The following POMT2 variants were observed in gnomAD, a reference collection of about 807,000 sequenced individuals.
The protein encoded by POMT2 is protein O-mannosyl-transferase 2.
A neutral mutation model predicts 100.0 loss-of-function variants in POMT2; 75 were observed. The ratio of observed to expected loss-of-function variants is 0.75; its 90% CI spans 0.62 to 0.91. The LOEUF is 0.91. POMT2 is among the 40% of genes least tolerant of loss of function. The pLI is 0.00. For synonymous variants in POMT2, 378 were observed against 374.1 expected (o/e 1.01, Z -0.12); for missense variants, 940 against 955.1 (o/e 0.98, Z 0.21).
intron 2 of POMT2, chr14:77,306,665 G>A (rs948378753): frequency 2.2e-5 from 10 of 463,510 alleles, no homozygotes; most frequent in African/African-American, 1.2e-4. Flanking sequence ...TATTATGGCC[G>A]AGGTCTAGGA....
chr14:77,286,702 CAT>C (rs1421758938), intron 12 of POMT2, 40 bp downstream of exon 12: 1 of 1,613,414 alleles, frequency 6.2e-7, no homozygotes, highest in East Asian at 2.2e-5. Flanking sequence ...AGCCAAGGCC[CAT>C]AACTTTTACG....
chr14:77,293,018 G>A (rs1274407865), intron 9 of POMT2, among the ~76,000 whole-genome samples: 1 of 152,134 alleles, frequency 6.6e-6, no homozygotes, highest in African/African-American at 2.4e-5. Flanking sequence ...TAGCATTTAG[G>A]GGAAAAATTA....
In POMT2 at chr14:77,302,819, G is replaced by A. The variant is rs200230662; in HGVS notation, c.656+16C>T. The A allele has an allele frequency of 1.3e-6, 2 of 1,597,690 alleles. No homozygotes were observed. Among genetic ancestry groups the A allele is most frequent in the East Asian group, 2.2e-5 (1 of 44,748 alleles). The stretch of plus-strand genomic sequence containing the variant: ...ACAGCTTCCAACCCTCCCCTCCCGG[G>A]GATGGAGTTTCTGACCTGTCGGCGC... On this transcript the variant is annotated intron_variant, in intron 5 of 20. Coordinates refer to ENST00000261534, the MANE Select transcript of POMT2 (RefSeq NM_013382.7).
At position 77,304,763 on chromosome 14, in the gene POMT2, G is replaced by A; in HGVS notation, c.476C>T (p.Ala159Val). The A allele has an allele frequency of 6.2e-7, 1 of 1,600,412 alleles. No individual in the cohort carries two copies. The highest frequency in any genetic ancestry group is 8.5e-7 in the Non-Finnish European group (1 of 1,174,310). Residue 159 changes from alanine (A) to valine (V), a missense_variant, in exon 4 of 21, where the codon GCC becomes GTC. Ala to Val is a moderately conservative substitution (Grantham distance 64). Transcript: ENST00000261534. ...AFLGSWLVPF[A>V]YLTVLDLSKS... ...GGACAGATCCAGTACAGTGAGGTAGGCAAAGGGGACCAGCCAGGAGCCAAG... is the reference window on the plus strand; with the variant it reads ...GGACAGATCCAGTACAGTGAGGTAGACAAAGGGGACCAGCCAGGAGCCAAG...
rs1187537322 is a variant in POMT2 at position 77,280,404 on chromosome 14, A to G, written c.1713T>C (p.Pro571=). The G allele has an allele frequency of 6.2e-7, 1 of 1,614,038 alleles. No homozygotes were observed. The highest frequency in any genetic ancestry group is 2.2e-5 in the East Asian group (1 of 44,854). ...NEFTSKPWHW[P]INYQGLRFSG... is the part of the protein sequence containing the mutation. ...CCTTGGATCCTACCTGATAGTTGAT[A>G]GGCCAGTGCCAGGGTTTGGACGTGA... is the stretch of plus-strand genomic sequence containing the variant. The change falls in exon 16 of 21, where the codon CCT becomes CCC. Residue 571 remains proline, a synonymous_variant. Transcript: ENST00000261534.
chr14:77,304,059 T>G (rs1438284895), intron 4 of POMT2, among the ~76,000 whole-genome samples: 2 of 152,216 alleles, frequency 1.3e-5, no homozygotes, highest in African/African-American at 4.8e-5. Context: ...AATCTTGCAA[T>G]CTATCTGTCA....
chr14:77,287,504 CTCTCTCTG>C (rs1174906473), intron 11 of POMT2: 3 of 111,792 alleles, frequency 2.7e-5, no homozygotes, highest in African/African-American at 7.6e-5. Context: ...CTAATTGCTT[CTCTCTCTG>C]TCTCTGTCTC....
chr14:77,311,013 A>G (rs1187836673), intron 2 of POMT2, among the ~76,000 whole-genome samples: 5 of 152,198 alleles, frequency 3.3e-5, no homozygotes, highest in African/African-American at 1.2e-4. Flanking sequence ...GGCGCCTGTA[A>G]TCCCAGCTAC....
At chr14:77,295,631 C>CAA (rs35870247) in intron 9 of POMT2, among the ~76,000 whole-genome samples, 28 of 83,220 alleles carry the variant, frequency 3.4e-4, no homozygotes, top group Non-Finnish European at 4.8e-4. Context: ...GACTCCATCT[C>CAA]AAAAAAAAAA....
At chr14:77,283,700 G>T in intron 15 of POMT2, 97 bp downstream of exon 15, 6 of 1,067,892 alleles carry the variant, frequency 5.6e-6, no homozygotes, top group Non-Finnish European at 8.8e-6. Context: ...CCTCCACAAG[G>T]GGGAATGGAT....
chr14:77,283,860 G>T lies in POMT2; in HGVS notation c.1590C>A (p.Ser530Arg). The T allele has an allele frequency of 6.2e-7, 1 of 1,612,302 alleles. No homozygotes were observed. Among genetic ancestry groups the T allele is most frequent in the Non-Finnish European group, 8.5e-7 (1 of 1,178,336 alleles). The part of the protein sequence containing the change: ...DHINPKLPNI[S>R]LDVLQPSFPE... ...GAAAACTGGGCTGTAGCACATCCAGGCTGATGTTTGGCACTAGGGGAAAAA... is the reference window on the plus strand; with the variant it reads ...GAAAACTGGGCTGTAGCACATCCAGTCTGATGTTTGGCACTAGGGGAAAAA... The change falls in exon 15 of 21, where the codon AGC (serine) becomes AGA (arginine). Residue 530 changes from serine (S) to arginine (R), a missense_variant. Transcript: ENST00000261534.
In POMT2 at chr14:77,275,216, A is replaced by G. The variant is rs886050813; in HGVS notation, c.*2160T>C. The G allele has an allele frequency of 1.3e-5, 2 of 152,248 alleles. No individual in the cohort carries two copies. The highest frequency in any genetic ancestry group is 2.9e-5 in the Non-Finnish European group (2 of 68,040). 9.4% of individuals were successfully genotyped at this position (152,248 alleles called of 1,614,324 possible). ...TGAGCACTCAAAGCTGCATCAGCCC[A>G]TGTGGCCTTGCTCCCAGAGAAGCAT... On this transcript the variant is annotated 3_prime_UTR_variant, in exon 21 of 21. Transcript: ENST00000261534.
chr14:77,315,833 G>A (rs1191893888), intron 1 of POMT2, among the ~76,000 whole-genome samples: 1 of 152,198 alleles, frequency 6.6e-6, no homozygotes, highest in Non-Finnish European at 1.5e-5. Context: ...CCAACATGGT[G>A]AAACCCTGTC....
At chr14:77,302,977 G>A in intron 4 of POMT2, 34 bp from the exon 5 acceptor site, 1 of 1,517,564 alleles carries the variant, frequency 6.6e-7, no homozygotes, top group Non-Finnish European at 9.1e-7. Flanking sequence ...GAAAAAGCGA[G>A]GTAAGAGAAG....
chr14:77,302,745 T>G (rs1891088214), intron 5 of POMT2, 90 bp downstream of exon 5: 2 of 1,064,976 alleles, frequency 1.9e-6, no homozygotes, highest in Non-Finnish European at 2.8e-6. Context: ...AAGACAAGTC[T>G]CTGGGCACCC....
chr14:77,280,605 G>A (rs1411473028), intron 15 of POMT2, 142 bp from the exon 16 acceptor site: 4 of 1,517,678 alleles, frequency 2.6e-6, no homozygotes, highest in Non-Finnish European at 1.8e-6. Context: ...GAAGAATCAG[G>A]CAGCTGCTGT....
chr14:77,295,204 G>C (rs911788774), intron 9 of POMT2, among the ~76,000 whole-genome samples: 1 of 152,080 alleles, frequency 6.6e-6, no homozygotes, highest in Non-Finnish European at 1.5e-5. Context: ...CCTTAACATG[G>C]ACACAGCATC....
In POMT2 at chr14:77,304,754, G is replaced by A. The variant is rs753521608; in HGVS notation, c.485C>T (p.Thr162Ile). The A allele has an allele frequency of 6.9e-6, 11 of 1,601,480 alleles. No individual in the cohort carries two copies. In the Admixed American group the frequency reaches 1.9e-4, roughly 28 times the overall value. ...GAGGGACTTGGACAGATCCAGTACA[G>A]TGAGGTAGGCAAAGGGGACCAGCCA... ...GSWLVPFAYLTVLDLSKSLSA... is the reference protein window; with the variant it reads ...GSWLVPFAYLIVLDLSKSLSA... The change falls in exon 4 of 21, where the codon ACT (threonine) becomes ATT (isoleucine). Residue 162 changes from threonine (T) to isoleucine (I), a missense_variant. Transcript: ENST00000261534.
intron 15 of POMT2, 89 bp downstream of exon 15, chr14:77,283,708 G>T: frequency 8.8e-7 from 1 of 1,135,490 alleles, no homozygotes; most frequent in Non-Finnish European, 1.3e-6. Flanking sequence ...AGGGGGAATG[G>T]ATCTGTAGCA....
Sources: allele counts gnomAD v4.1 joint callset (sites outside exome capture counted in the v4.1 genomes callset), GRCh38; gene constraint gnomAD v4.1.1; transcripts MANE v1.5; gene names NCBI Gene and HGNC (gene_info 2026-07-23, HGNC 2026-07-21).